The following SALL1 variants were observed in gnomAD, a reference collection of about 807,000 sequenced individuals.
SALL1 encodes the protein spalt like transcription factor 1.
In SALL1, 10 loss-of-function variants were observed where a neutral mutation model predicts 73.1. That is an observed-to-expected ratio of 0.14 (90% CI 0.08 to 0.23). The LOEUF (loss-of-function observed/expected upper bound fraction) is 0.23. Among genes scored for constraint, SALL1 ranks in the 10% least tolerant of loss-of-function variants. The probability of loss-of-function intolerance (pLI) is 1.00; values close to 1 mark genes in which losing one functional copy is unlikely to be tolerated. For synonymous variants in SALL1, 688 were observed against 689.8 expected (o/e 1.00, Z 0.04); for missense variants, 1,520 against 1,697.3 (o/e 0.90, Z 1.84).
chr16:51,150,744 G>A, intron 1 of SALL1: 2 of 300,436 alleles, frequency 6.7e-6, no homozygotes, highest in Non-Finnish European at 9.9e-6. Flanking sequence ...AGGCCGGGCC[G>A]GGTGCCCTGG....
Position 51,141,871 on chromosome 16 carries a change from G to T in SALL1, c.351C>A (p.Asn117Lys). 2 of 1,613,740 alleles carry T rather than the reference G, an allele frequency of 1.2e-6. No individual in the cohort carries two copies. Among genetic ancestry groups the T allele is most frequent in the Non-Finnish European group, 1.7e-6 (2 of 1,179,998 alleles). ...QVDCSDLSEH[N>K]GLDREESMEV... Reference sequence around the variant, plus strand: ...CCATGGACTCTTCCCTGTCAAGTCCGTTGTGTTCTGAAAGGTCGCTGCAGT... The same window carrying T: ...CCATGGACTCTTCCCTGTCAAGTCCTTTGTGTTCTGAAAGGTCGCTGCAGT... The change falls in exon 2 of 3, where the codon AAC becomes AAA. Residue 117 changes from asparagine (N) to lysine (K), a missense_variant. Physicochemically the swap from Asn to Lys is moderately conservative, Grantham distance 94. This residue lies in a region of SALL1 where 540 missense variants were observed against 567.5 expected (regional missense o/e 0.95). Coordinates refer to ENST00000251020, the MANE Select transcript of SALL1 (RefSeq NM_002968.3). The surrounding 1 kb of genome is among the most constrained non-coding windows in gnomAD (Gnocchi z 5.4).
At chr16:51,137,642 C>T (rs941429186) in intron 2 of SALL1, 90 bp from the exon 3 acceptor site, 1 of 976,346 alleles carries the variant, frequency 1.0e-6, no homozygotes, top group Non-Finnish European at 1.6e-6. Context: ...GAATCTGTCT[C>T]AACTCATATC....
chr16:51,144,224 A>C (rs950154872), intron 1 of SALL1, among the ~76,000 whole-genome samples: 4 of 152,160 alleles, frequency 2.6e-5, no homozygotes, highest in African/African-American at 7.2e-5. Flanking sequence ...ATTCAACAGA[A>C]ATGTTATTTC....
At chr16:51,143,059 G>A (rs1402167432) in intron 1 of SALL1, 1 of 156,140 alleles carries the variant, frequency 6.4e-6, no homozygotes, top group Admixed American at 6.4e-5. Context: ...CAAGAAGGAT[G>A]TGCAGTTGAG....
In SALL1 at chr16:51,140,158, C is replaced by T. The variant is rs768304284; in HGVS notation, c.2064G>A (p.Thr688=). The change falls in exon 2 of 3, where the codon ACG becomes ACA. Residue 688 remains threonine, a synonymous_variant. Transcript: ENST00000251020. The surrounding 1 kb of genome is among the most constrained non-coding windows in gnomAD (Gnocchi z 5.7). ...GLLDSAQASE[T]SKLQQLVENI... ...TTTCTACCAGTTGCTGAAGCTTGGACGTCTCTGATGCCTGAGCTGAGTCCA... is the reference window on the plus strand; with the variant it reads ...TTTCTACCAGTTGCTGAAGCTTGGATGTCTCTGATGCCTGAGCTGAGTCCA... 22 of 1,614,016 alleles carry T rather than the reference C, an allele frequency of 1.4e-5. No homozygotes were observed. The highest frequency in any genetic ancestry group is 3.3e-4 in the Middle Eastern group (2 of 6,084).
intron 1 of SALL1, 63 bp from the exon 2 acceptor site, chr16:51,142,208 T>TAA: frequency 3.4e-5 from 36 of 1,067,258 alleles, no homozygotes; most frequent in Admixed American, 4.5e-5. Context: ...ACCTATGACT[T>TAA]AAAAAAAAAA....
chr16:51,147,457 TA>T (rs554467812), intron 1 of SALL1, among the ~76,000 whole-genome samples: 3 of 152,062 alleles, frequency 2.0e-5, no homozygotes, highest in Admixed American at 6.5e-5. Context: ...TGGTTTTTTT[TA>T]AAAAAAGCAA....
At position 51,141,744 on chromosome 16, in the gene SALL1, C is replaced by CGCCGCTGCTGCTGCTGCT; in HGVS notation, c.477_478insAGCAGCAGCAGCAGCGGC (p.Ser159_Gly160insSerSerSerSerSerGly). The CGCCGCTGCTGCTGCTGCT allele has an allele frequency of 1.3e-6, 2 of 1,579,894 alleles. No homozygotes were observed. The highest frequency in any genetic ancestry group is 2.3e-5 in the South Asian group (2 of 88,714). ...CCTGTGGAGGAGCTGCCGCCGCCGC[C>CGCCGCTGCTGCTGCTGCT]GCTGCTGCTGCTGCTGCTGCTGCTG... On this transcript the variant is annotated inframe_insertion, in exon 2 of 3. Coordinates refer to ENST00000251020, the MANE Select transcript of SALL1 (RefSeq NM_002968.3). This position sits in a 1 kb window ranked among gnomAD's most constrained non-coding sequence, Gnocchi z 5.4.
upstream of SALL1, chr16:51,151,354 G>A (rs1039041726): frequency 3.9e-5 from 18 of 466,308 alleles, 1 homozygote; most frequent in South Asian, 1.2e-3. Context: ...CCGCCGGCCC[G>A]CCCGCCCCCT....
chr16:51,136,154 T>C lies in SALL1; in HGVS notation c.*958A>G, dbSNP rs1243461179. On this transcript the variant is annotated 3_prime_UTR_variant, in exon 3 of 3. Coordinates refer to ENST00000251020, the MANE Select transcript of SALL1 (RefSeq NM_002968.3). ...TTTTTCTTCCATACCTAAGACAAAATAAACAAACACTATACCTGCTCTCTT... is the reference window on the plus strand; with the variant it reads ...TTTTTCTTCCATACCTAAGACAAAACAAACAAACACTATACCTGCTCTCTT... The C allele has an allele frequency of 6.6e-6, 1 of 152,526 alleles. No individual in the cohort carries two copies. The highest frequency in any genetic ancestry group is 1.5e-5 in the Non-Finnish European group (1 of 68,000). The allele number at this position is 152,526 out of a possible 1,614,324, so 9.4% of individuals were successfully genotyped here. A position where few individuals can be genotyped will look rare whatever the true frequency, so the allele number is the denominator to read the frequency against.
At chr16:51,148,167 C>A (rs1194589240) in intron 1 of SALL1, among the ~76,000 whole-genome samples, 1 of 152,198 alleles carries the variant, frequency 6.6e-6, no homozygotes, top group African/African-American at 2.4e-5. Context: ...GCATTTGCTT[C>A]AGATGAAGCT....
At position 51,137,046 on chromosome 16, in the gene SALL1, A is replaced by G; in HGVS notation, c.*66T>C. On this transcript the variant is annotated 3_prime_UTR_variant, in exon 3 of 3. Transcript: ENST00000251020. ...GGGCGGGGCGGGGTGGGGGGCAAGG[A>G]GTAGGAGGCCACCATAGGTCGCATT... 6.8e-7 allele frequency: 1 copy of G among 1,479,576 alleles called. No individual in the cohort carries two copies. Among genetic ancestry groups the G allele is most frequent in the Admixed American group, 1.7e-5 (1 of 58,268 alleles). 91.7% of individuals were successfully genotyped at this position (1,479,576 alleles called of 1,614,324 possible). A position where few individuals can be genotyped will look rare whatever the true frequency, so the allele number is the denominator to read the frequency against.
chr16:51,145,979 CTTTTT>C lies in SALL1; in HGVS notation c.77-3839_77-3835del, dbSNP rs372735955. On this transcript the variant is annotated intron_variant, in intron 1 of 2. Coordinates refer to ENST00000251020, the MANE Select transcript of SALL1 (RefSeq NM_002968.3). Reference sequence around the variant, plus strand: ...TCACAAACATATTTGATTGATTGGTCTTTTTTTTTTTTTTCTTTTTCTTTTTTTTT... The same window carrying C: ...TCACAAACATATTTGATTGATTGGTCTTTTTTTTTCTTTTTCTTTTTTTTT... 6.7e-4 allele frequency among the ~76,000 whole-genome samples: 86 copies of C among 128,904 alleles called. 1 individual carries two copies. In the East Asian group the frequency reaches 0.019, roughly 28 times the overall value. The allele number at this position is 128,904 out of a possible 152,430, so 84.6% of individuals were successfully genotyped here.
Position 51,140,949 on chromosome 16 carries a change from G to C in SALL1, c.1273C>G (p.Gln425Glu). The change falls in exon 2 of 3, where the codon CAA (glutamine) becomes GAA (glutamate). Residue 425 changes from glutamine (Q) to glutamate (E), a missense_variant. By Grantham distance (29) the Gln-to-Glu change is conservative (BLOSUM62 2). Coordinates refer to ENST00000251020, the MANE Select transcript of SALL1 (RefSeq NM_002968.3). The surrounding 1 kb of genome is among the most constrained non-coding windows in gnomAD (Gnocchi z 5.7). ...DLNSLSALAQ[Q>E]RKSKPPNVTA... ...ACATTTGGTGGCTTGCTTTTTCTTT[G>C]CTGGGCCAAGGCAGACAAGGAGTTT... is the stretch of plus-strand genomic sequence containing the variant. 1 of 1,614,226 alleles carries C rather than the reference G, an allele frequency of 6.2e-7. No homozygotes were observed.
chr16:51,141,220 G>A lies in SALL1; in HGVS notation c.1002C>T (p.Asn334=). ...TGTTCATATTGGGAGAAGAGCCGCTGTTGGATGGAATGATGGTGTTGCCAG... is the reference window on the plus strand; with the variant it reads ...TGTTCATATTGGGAGAAGAGCCGCTATTGGATGGAATGATGGTGTTGCCAG... The part of the protein sequence containing the change: ...SSSGNTIIPS[N]SGSSPNMNIL... The change falls in exon 2 of 3, where the codon AAC becomes AAT. Residue 334 remains asparagine, a synonymous_variant. Transcript: ENST00000251020. The surrounding 1 kb of genome is among the most constrained non-coding windows in gnomAD (Gnocchi z 5.4). 3.1e-6 allele frequency: 5 copies of A among 1,614,186 alleles called. No individual in the cohort carries two copies. The highest frequency in any genetic ancestry group is 4.2e-6 in the Non-Finnish European group (5 of 1,180,044).
rs764148053 is a variant in SALL1 at position 51,136,368 on chromosome 16, A to C, written c.*744T>G. On this transcript the variant is annotated 3_prime_UTR_variant, in exon 3 of 3. Coordinates refer to ENST00000251020, the MANE Select transcript of SALL1 (RefSeq NM_002968.3). The stretch of plus-strand genomic sequence containing the variant: ...GAATATACCTACAAGGCAAAATGTT[A>C]CGTCTCAGTTTCAACTACCAAAACA... 6.5e-6 allele frequency: 1 copy of C among 152,696 alleles called. No individual in the cohort carries two copies. The highest frequency in any genetic ancestry group is 1.5e-5 in the Non-Finnish European group (1 of 68,046). 9.5% of individuals were successfully genotyped at this position (152,696 alleles called of 1,614,324 possible).
Position 51,137,328 on chromosome 16 carries a change from G to A in SALL1, c.3759C>T (p.Ser1253=), listed in dbSNP as rs138153478. Residue 1253 remains serine (S), a synonymous_variant, in exon 3 of 3, where the codon TCC becomes TCT. Transcript: ENST00000251020. ...NGLAMKANEI[S]VIQNGGIPPI... is the part of the protein sequence containing the mutation. The stretch of plus-strand genomic sequence containing the variant: ...GAGGGATGCCACCGTTCTGAATGAC[G>A]GAGATCTCGTTGGCCTTCATCGCCA... 122 of 1,613,980 alleles carry A rather than the reference G, an allele frequency of 7.6e-5. No homozygotes were observed. The highest frequency in any genetic ancestry group is 1.3e-4 in the East Asian group (6 of 44,888).
chr16:51,141,557 C>T lies in SALL1; in HGVS notation c.665G>A (p.Gly222Asp). 6.2e-7 allele frequency: 1 copy of T among 1,614,062 alleles called. No homozygotes were observed. The highest frequency in any genetic ancestry group is 1.1e-5 in the South Asian group (1 of 91,078). The change falls in exon 2 of 3, where the codon GGC becomes GAC. Residue 222 changes from glycine (G) to aspartate (D), a missense_variant. By Grantham distance (94) the Gly-to-Asp change is moderately conservative (BLOSUM62 -1). Around this residue, in one of 7 missense-constraint regions of SALL1, gnomAD observed 540 missense variants for 567.5 expected, o/e 0.95. Transcript: ENST00000251020. The surrounding 1 kb of genome is among the most constrained non-coding windows in gnomAD (Gnocchi z 5.4). ...CATGAGGGCTGGGACGGCCAGCTTG[C>T]CCCCAGAGGCCCCGCCGCACCTCGC... ...QEARCGGASG[G>D]KLAVPALMEQ...
rs148126547 is a variant in SALL1 at position 51,142,696 on chromosome 16, C to T, written c.77-551G>A. 2.2e-3 allele frequency among the ~76,000 whole-genome samples: 335 copies of T among 152,308 alleles called. 1 individual carries two copies. The highest frequency in any genetic ancestry group is 7.6e-3 in the African/African-American group (316 of 41,564). On this transcript the variant is annotated intron_variant, in intron 1 of 2. Transcript: ENST00000251020. ...TGAAAATCACCTCAAGCCCCTACCT[C>T]GAACCTGCGCTAAGTCTGATCCCTG...
Sources: gnomAD v4.1 joint callset for allele counts (sites outside exome capture counted in the v4.1 genomes callset) on GRCh38, gnomAD v4.1.1 for gene constraint, gnomAD v4.1.1 regional missense constraint, Gnocchi (gnomAD v3.1) non-coding constraint, MANE v1.5 for transcripts, NCBI Gene and HGNC (gene_info 2026-07-23, HGNC 2026-07-21) for gene names.